The following NBEA variants were observed in gnomAD, a reference collection of about 807,000 sequenced individuals.
NBEA encodes the protein lysosomal-trafficking regulator 2.
Under a neutral mutation model 343.4 loss-of-function variants are expected in NBEA, and 44 were observed. The observed-to-expected ratio is 0.13, with a 90% CI of 0.10 to 0.16. The LOEUF (loss-of-function observed/expected upper bound fraction) is 0.16. NBEA is among the 10% of genes least tolerant of loss of function. NBEA has a pLI of 1.00. For synonymous variants in NBEA, 1,175 were observed against 1,238.7 expected (o/e 0.95, Z 1.08); for missense variants, 2,555 against 3,631.3 (o/e 0.70, Z 7.62).
intron 45 of NBEA, among the ~76,000 whole-genome samples, chr13:35,581,515 G>A (rs1593282265): frequency 6.6e-6 from 1 of 151,938 alleles, no homozygotes; most frequent in Non-Finnish European, 1.5e-5. Context: ...GTAGATTCTG[G>A]ATATTAGCCC....
intron 17 of NBEA, among the ~76,000 whole-genome samples, chr13:35,126,450 A>C (rs2067138151): frequency 6.6e-6 from 1 of 152,168 alleles, no homozygotes; most frequent in Non-Finnish European, 1.5e-5. Context: ...GAAGAAAATA[A>C]CTATACACAA....
intron 11 of NBEA, 45 bp from the exon 12 acceptor site, chr13:35,109,245 G>T (rs192540823): frequency 1.2e-5 from 18 of 1,481,498 alleles, no homozygotes; most frequent in Non-Finnish European, 1.4e-5. Flanking sequence ...TATACAATTT[G>T]ATATTCTGGA....
intron 36 of NBEA, among the ~76,000 whole-genome samples, chr13:35,342,829 C>T (rs1288468187): frequency 6.6e-6 from 1 of 151,876 alleles, no homozygotes. Context: ...TTTCTATCCC[C>T]AACCCCTCCC....
At chr13:35,385,186 T>C (rs572372451) in intron 38 of NBEA, among the ~76,000 whole-genome samples, 134 of 152,272 alleles carry the variant, frequency 8.8e-4, no homozygotes, top group African/African-American at 3.1e-3. Context: ...TAAGTTAAGG[T>C]TGGCTTGAGT....
At chr13:35,473,007 G>A (rs111647358) in intron 41 of NBEA, among the ~76,000 whole-genome samples, 2,356 of 152,248 alleles carry the variant, frequency 0.015, 48 homozygotes, top group African/African-American at 0.053. Context: ...TCCATCTCCT[G>A]AAATAAGAAT....
chr13:35,006,353 T>G (rs2152528818), intron 1 of NBEA, among the ~76,000 whole-genome samples: 1 of 152,210 alleles, frequency 6.6e-6, no homozygotes, highest in East Asian at 1.9e-4. Context: ...TAAAATAAAT[T>G]TATACTTTTA....
intron 41 of NBEA, among the ~76,000 whole-genome samples, chr13:35,505,902 A>C (rs1594829918): frequency 6.6e-6 from 1 of 152,252 alleles, no homozygotes; most frequent in South Asian, 2.1e-4. Flanking sequence ...ACTCATAAAT[A>C]TTTTGCATAT....
intron 27 of NBEA, among the ~76,000 whole-genome samples, chr13:35,174,796 A>AT (rs1218459341): frequency 0.011 from 1,639 of 143,424 alleles, 12 homozygotes; most frequent in African/African-American, 0.018. Context: ...CTTCAGAGTA[A>AT]TTTTTTTTTT....
At chr13:34,959,718 A>G (rs567560126) in intron 1 of NBEA, among the ~76,000 whole-genome samples, 9 of 152,210 alleles carry the variant, frequency 5.9e-5, no homozygotes, top group African/African-American at 2.2e-4. Context: ...TTGGTCTACA[A>G]TGGACCACAT....
chr13:35,132,759 G>T (rs1192336673), intron 17 of NBEA, among the ~76,000 whole-genome samples: 1 of 152,128 alleles, frequency 6.6e-6, no homozygotes, highest in South Asian at 2.1e-4. Context: ...TGGGCACAGG[G>T]AACTGTTGAG....
At chr13:35,668,640 CAAAG>C (rs1593526452) in intron 58 of NBEA, 121 bp downstream of exon 58, 1 of 989,220 alleles carries the variant, frequency 1.0e-6, no homozygotes, top group Non-Finnish European at 1.4e-6. Flanking sequence ...GAAAGACTGG[CAAAG>C]AAAAGGGGAA....
intron 34 of NBEA, among the ~76,000 whole-genome samples, chr13:35,268,946 A>C (rs1454366863): frequency 6.6e-6 from 1 of 152,112 alleles, no homozygotes; most frequent in East Asian, 1.9e-4. Context: ...TGAAGGTGAG[A>C]TAAAGACTTT....
chr13:35,654,597 C>G (rs1291488330), intron 53 of NBEA, among the ~76,000 whole-genome samples: 1 of 152,092 alleles, frequency 6.6e-6, no homozygotes, highest in Non-Finnish European at 1.5e-5. Flanking sequence ...AATTAATTGT[C>G]TTGAATTCCT....
chr13:35,658,343 C>A (rs974670169), intron 55 of NBEA, among the ~76,000 whole-genome samples: 2 of 152,104 alleles, frequency 1.3e-5, no homozygotes, highest in Non-Finnish European at 2.9e-5. Context: ...CCTGTCAAGA[C>A]TTTATTAGAT....
intron 45 of NBEA, among the ~76,000 whole-genome samples, chr13:35,579,756 C>G (rs150261181): frequency 6.6e-6 from 1 of 152,216 alleles, no homozygotes; most frequent in Non-Finnish European, 1.5e-5. Context: ...CCACAAACAT[C>G]TGGTAGGATT....
intron 36 of NBEA, among the ~76,000 whole-genome samples, chr13:35,346,344 A>C (rs1452198252): frequency 6.6e-6 from 1 of 152,148 alleles, no homozygotes. Flanking sequence ...AAATATTCTA[A>C]TATCACATCT....
intron 1 of NBEA, among the ~76,000 whole-genome samples, chr13:34,975,895 A>G (rs528681484): frequency 2.0e-5 from 3 of 152,320 alleles, no homozygotes; most frequent in Non-Finnish European, 4.4e-5. Flanking sequence ...TCCTGCAAGA[A>G]TGGCCATATC....
At chr13:35,094,056 A>G (rs191947417) in intron 10 of NBEA, among the ~76,000 whole-genome samples, 231 of 152,050 alleles carry the variant, frequency 1.5e-3, no homozygotes, top group African/African-American at 5.4e-3. Flanking sequence ...TCAGAAGACA[A>G]ATTGACACAT....
chr13:35,141,242 T>C (rs1275684329), intron 17 of NBEA, among the ~76,000 whole-genome samples: 2 of 152,068 alleles, frequency 1.3e-5, no homozygotes, highest in Non-Finnish European at 2.9e-5. Flanking sequence ...GGAGAGAAGA[T>C]GATCCAGATT....
Sources: gnomAD v4.1 joint callset for allele counts (sites outside exome capture counted in the v4.1 genomes callset) on GRCh38, gnomAD v4.1.1 for gene constraint, MANE v1.5 for transcripts, NCBI Gene and HGNC (gene_info 2026-07-23, HGNC 2026-07-21) for gene names.